The following RGS6 variants were observed in gnomAD, a reference collection of about 807,000 sequenced individuals.
The protein encoded by RGS6 is regulator of G-protein signaling 6.
Under a neutral mutation model 78.5 loss-of-function variants are expected in RGS6, and 30 were observed. The observed-to-expected ratio is 0.38, with a 90% CI of 0.29 to 0.52. RGS6 has a LOEUF of 0.52. RGS6 is among the 20% of genes least tolerant of loss of function. The pLI is 0.85. For synonymous variants in RGS6, 206 were observed against 206.0 expected (o/e 1.00, Z 0.00); for missense variants, 495 against 609.7 (o/e 0.81, Z 1.98).
chr14:72,053,301 G>A (rs2153419917), intron 2 of RGS6, among the ~76,000 whole-genome samples: 1 of 151,356 alleles, frequency 6.6e-6, no homozygotes, highest in South Asian at 2.1e-4. Flanking sequence ...CGTATTTTTA[G>A]TAGAGACGGA....
At chr14:72,003,455 A>G (rs1341458624) in intron 2 of RGS6, among the ~76,000 whole-genome samples, 1 of 152,184 alleles carries the variant, frequency 6.6e-6, no homozygotes, top group African/African-American at 2.4e-5. Flanking sequence ...CTTTTTCATC[A>G]TCCCAAACAG....
intron 2 of RGS6, among the ~76,000 whole-genome samples, chr14:72,148,127 T>C (rs1346912864): frequency 4.4e-4 from 21 of 47,888 alleles, no homozygotes; most frequent in Non-Finnish European, 3.6e-5. Context: ...CAAGACTCCA[T>C]CTAAAAAAAA....
intron 2 of RGS6, among the ~76,000 whole-genome samples, chr14:72,289,804 T>G (rs1251744623): frequency 1.3e-5 from 2 of 152,212 alleles, no homozygotes; most frequent in Non-Finnish European, 2.9e-5. Context: ...CATTATCTCA[T>G]GTGGACAGGT....
chr14:72,231,062 A>T (rs1471381446), intron 2 of RGS6, among the ~76,000 whole-genome samples: 1 of 152,074 alleles, frequency 6.6e-6, no homozygotes. Context: ...CTGATTGATG[A>T]TTGGAGGAAT....
intron 2 of RGS6, among the ~76,000 whole-genome samples, chr14:72,003,821 T>A (rs566414386): frequency 1.5e-4 from 23 of 152,250 alleles, no homozygotes; most frequent in African/African-American, 5.5e-4. Flanking sequence ...ATTTCCCAAG[T>A]TGGGGCAACA....
chr14:72,017,767 T>A (rs1392730468), intron 2 of RGS6, among the ~76,000 whole-genome samples: 3 of 152,064 alleles, frequency 2.0e-5, no homozygotes, highest in African/African-American at 7.2e-5. Flanking sequence ...TAAGAAAATG[T>A]CTTTTTTTTT....
intron 2 of RGS6, among the ~76,000 whole-genome samples, chr14:72,052,985 C>CTTTT (rs745409035): frequency 1.9e-5 from 1 of 53,324 alleles, no homozygotes; most frequent in African/African-American, 9.2e-5. Context: ...TTCTTTCTTT[C>CTTTT]TCTCTCTCTC....
chr14:72,504,923 T>TA (rs2096779325), intron 13 of RGS6, among the ~76,000 whole-genome samples: 1 of 81,268 alleles, frequency 1.2e-5, no homozygotes, highest in Non-Finnish European at 2.2e-5. Context: ...CCCAGCTAAT[T>TA]TTTTTTTTTT....
the RGS6 span, among the ~76,000 whole-genome samples, chr14:71,875,294 G>A: frequency 3.3e-5 from 5 of 152,022 alleles, 1 homozygote; most frequent in South Asian, 4.1e-4. Context: ...TTGGTTGGTA[G>A]GCTCTTAATT....
At chr14:72,005,439 C>CTCTATCTATCTATCTATCTA (rs148163713) in intron 2 of RGS6, among the ~76,000 whole-genome samples, 36,118 of 143,372 alleles carry the variant, frequency 0.25, 4,554 homozygotes, top group East Asian at 0.3. Context: ...ACCTGCATAT[C>CTCTATCTATCTATCTATCTA]TCTATCTATC....
chr14:72,029,863 C>T (rs987429944), intron 2 of RGS6, among the ~76,000 whole-genome samples: 9 of 152,196 alleles, frequency 5.9e-5, no homozygotes, highest in Non-Finnish European at 1.3e-4. Flanking sequence ...AAGGTGAATA[C>T]TGACTGTCAT....
At position 72,263,498 on chromosome 14, in the gene RGS6, G is replaced by A. The variant is rs576380193; in HGVS notation, c.85-88597G>A. On this transcript the variant is annotated intron_variant, in intron 2 of 17. Transcript: ENST00000553525. ...CTCTATCCTCTTATGCATACCTATT[G>A]TTGTGGTCTAAATGTATGTGTCCCC... Among the ~76,000 whole-genome samples the A allele has an allele frequency of 1.2e-3, 148 of 127,116 alleles. 2 individuals are homozygous for A. Among genetic ancestry groups the A allele is most frequent in the Middle Eastern group, 7.6e-3 (2 of 264 alleles). The allele number at this position is 127,116 out of a possible 152,430, so 83.4% of individuals were successfully genotyped here. A position where few individuals can be genotyped will look rare whatever the true frequency, so the allele number is the denominator to read the frequency against.
intron 5 of RGS6, among the ~76,000 whole-genome samples, chr14:72,459,173 T>C (rs986979544): frequency 5.9e-5 from 9 of 152,074 alleles, no homozygotes; most frequent in Admixed American, 5.9e-4. Flanking sequence ...CTAATCACCC[T>C]CCCCACCCAT....
intron 2 of RGS6, among the ~76,000 whole-genome samples, chr14:72,272,788 A>G (rs1475155720): frequency 1.3e-5 from 2 of 152,232 alleles, no homozygotes; most frequent in East Asian, 1.9e-4. Context: ...AGATAAAATT[A>G]TGGCTCTACA....
intron 13 of RGS6, among the ~76,000 whole-genome samples, chr14:72,498,785 T>G (rs748841169): frequency 6.6e-6 from 1 of 152,136 alleles, no homozygotes; most frequent in Non-Finnish European, 1.5e-5. Context: ...CCCCAGGCGT[T>G]CTGAGGCACA....
At position 72,067,842 on chromosome 14, in the gene RGS6, C is replaced by T. The variant is rs1012990278; in HGVS notation, c.84+102967C>T. On this transcript the variant is annotated intron_variant, in intron 2 of 17. Transcript: ENST00000553525. The stretch of plus-strand genomic sequence containing the variant: ...TACCAACGCTGTAATATTTTGCCAC[C>T]GTGAGGATGGTCTAGAGGCCAGCAC... Among the ~76,000 whole-genome samples, 16 of 152,194 alleles carry T rather than the reference C, an allele frequency of 1.1e-4. No individual in the cohort carries two copies. In the East Asian group the frequency reaches 2.5e-3, roughly 24 times the overall value.
chr14:72,243,491 A>G (rs938667066), intron 2 of RGS6, among the ~76,000 whole-genome samples: 2 of 151,360 alleles, frequency 1.3e-5, no homozygotes, highest in African/African-American at 2.5e-5. Context: ...ATACATGACA[A>G]TGCAATTCAT....
intron 2 of RGS6, among the ~76,000 whole-genome samples, chr14:72,086,318 A>G (rs1347162247): frequency 1.3e-5 from 2 of 152,084 alleles, no homozygotes; most frequent in Non-Finnish European, 2.9e-5. Context: ...TTCTCCCACA[A>G]TATTTGTCTT....
chr14:72,086,182 A>G (rs1657693091), intron 2 of RGS6, among the ~76,000 whole-genome samples: 1 of 152,212 alleles, frequency 6.6e-6, no homozygotes, highest in Non-Finnish European at 1.5e-5. Context: ...TGTGCTGACC[A>G]GTTTCTGCCT....
Sources: gnomAD v4.1 joint callset for allele counts (sites outside exome capture counted in the v4.1 genomes callset) on GRCh38, gnomAD v4.1.1 for gene constraint, MANE v1.5 for transcripts, NCBI Gene and HGNC (gene_info 2026-07-23, HGNC 2026-07-21) for gene names.